The following PDS5A variants were observed in gnomAD, a reference collection of about 807,000 sequenced individuals.
PDS5A encodes PDS5 cohesin associated factor A.
Under a neutral mutation model 167.1 loss-of-function variants are expected in PDS5A, and 42 were observed. The ratio of observed to expected loss-of-function variants is 0.25; its 90% CI spans 0.20 to 0.33. The LOEUF is 0.33. Ranked by LOEUF, PDS5A falls within the 10% of genes least tolerant of loss-of-function variation. The probability of loss-of-function intolerance (pLI) is 1.00; values close to 1 mark genes in which losing one functional copy is unlikely to be tolerated. For missense variants in PDS5A, 1,033 were observed against 1,605.9 expected (o/e 0.64, Z 6.10); for synonymous variants, 553 against 554.6 (o/e 1.00, Z 0.04).
At chr4:39,904,636 A>G (rs184909219) in intron 11 of PDS5A, among the ~76,000 whole-genome samples, 188 of 152,242 alleles carry the variant, frequency 1.2e-3, no homozygotes, top group African/African-American at 4.3e-3. Context: ...CCAGCCTACA[A>G]ACAATTTTGA....
At chr4:39,870,823 C>A (rs1397586692) in intron 21 of PDS5A, among the ~76,000 whole-genome samples, 2 of 152,022 alleles carry the variant, frequency 1.3e-5, no homozygotes, top group African/African-American at 2.4e-5. Flanking sequence ...CAATGTTATT[C>A]CTAGATATAT....
At position 39,863,357 on chromosome 4, in the gene PDS5A, C is replaced by T; in HGVS notation, c.2745G>A (p.Gln915=). 3.7e-6 allele frequency: 6 copies of T among 1,606,560 alleles called. No homozygotes were observed. Among genetic ancestry groups the T allele is most frequent in the Non-Finnish European group, 5.1e-6 (6 of 1,176,400 alleles). Residue 915 remains glutamine (Q), a synonymous_variant, in exon 24 of 33, where the codon CAG becomes CAA. Transcript: ENST00000303538. The part of the protein sequence containing the change: ...YHEIITPEQF[Q]LCALVINDEC... ...TTACATTAATAACAAGTGCACAGAG[C>T]TGAAACTGTTCTGGGGTAATAATTT...
At chr4:39,967,557 G>A (rs181681057) in intron 2 of PDS5A, among the ~76,000 whole-genome samples, 81 of 150,860 alleles carry the variant, frequency 5.4e-4, no homozygotes, top group South Asian at 3.8e-3. Context: ...TGAGGCAGGC[G>A]AATTGCTTGA....
intron 2 of PDS5A, among the ~76,000 whole-genome samples, chr4:39,930,963 T>C (rs74553404): frequency 0.025 from 3,752 of 152,316 alleles, 157 homozygotes; most frequent in East Asian, 0.18. Context: ...TATTTCCATC[T>C]TGAGAAATTA....
intron 4 of PDS5A, among the ~76,000 whole-genome samples, chr4:39,926,534 A>AT (rs1178037893): frequency 6.6e-6 from 1 of 151,730 alleles, no homozygotes; most frequent in Non-Finnish European, 1.5e-5. Flanking sequence ...AAAAAAAAGA[A>AT]AGAAATAGAT....
At chr4:39,936,966 T>A (rs1726677252) in intron 2 of PDS5A, 1 of 151,704 alleles carries the variant, frequency 6.6e-6, no homozygotes, top group Non-Finnish European at 1.5e-5. Context: ...TGAAGAGGGG[T>A]GTGTGGATGG....
At chr4:39,849,004 G>C (rs1326694809) in intron 27 of PDS5A, 34 bp from the exon 28 acceptor site, 1 of 1,421,290 alleles carries the variant, frequency 7.0e-7, no homozygotes, top group Non-Finnish European at 9.6e-7. Context: ...ATAACTTTTA[G>C]TATTGCAAAA....
At chr4:39,854,572 T>C (rs1045819006) in intron 26 of PDS5A, among the ~76,000 whole-genome samples, 9 of 152,196 alleles carry the variant, frequency 5.9e-5, no homozygotes, top group African/African-American at 2.2e-4. Context: ...ATTTTTTTCT[T>C]CCTCCTCTTT....
At chr4:39,888,574 G>T (rs1250834138) in intron 17 of PDS5A, among the ~76,000 whole-genome samples, 8 of 151,432 alleles carry the variant, frequency 5.3e-5, no homozygotes, top group Admixed American at 3.3e-4. Context: ...AGAAAATGTG[G>T]TATATATGTA....
At chr4:39,940,815 G>C (rs1054444776) in intron 2 of PDS5A, among the ~76,000 whole-genome samples, 1 of 152,186 alleles carries the variant, frequency 6.6e-6, no homozygotes, top group Admixed American at 6.6e-5. Flanking sequence ...ACTATGCCTG[G>C]CTAAATTTTG....
chr4:39,929,539 A>C (rs1448010816), intron 2 of PDS5A, among the ~76,000 whole-genome samples: 2 of 122,152 alleles, frequency 1.6e-5, no homozygotes, highest in Non-Finnish European at 3.4e-5. Context: ...ATATATATAT[A>C]TATATATATA....
chr4:39,845,891 AAAAAAAGAAAAAG>A lies in PDS5A; in HGVS notation c.3340-24_3340-12del, dbSNP rs1220514440. On this transcript the variant is annotated splice_polypyrimidine_tract_variant and intron_variant, in intron 28 of 32. Transcript: ENST00000303538. ...ATCGTTACAGAAGTCCTATTAAAAA[AAAAAAAGAAAAAG>A]AAAAAAGAAACACCAATCAAAGGAA... The A allele has an allele frequency of 7.5e-7, 1 of 1,341,582 alleles. No individual in the cohort carries two copies. The highest frequency in any genetic ancestry group is 1.8e-5 in the South Asian group (1 of 55,508). The allele number at this position is 1,341,582 out of a possible 1,614,324, so 83.1% of individuals were successfully genotyped here.
intron 32 of PDS5A, among the ~76,000 whole-genome samples, chr4:39,825,838 C>A (rs1165842339): frequency 1.3e-5 from 2 of 152,048 alleles, no homozygotes; most frequent in Non-Finnish European, 1.5e-5. Flanking sequence ...TGAGCTCAAG[C>A]GATCTGGGAA....
At chr4:39,973,644 T>C (rs1730784236) in intron 2 of PDS5A, 4 of 1,317,296 alleles carry the variant, frequency 3.0e-6, no homozygotes, top group Admixed American at 1.7e-5. Context: ...AAATGAACGG[T>C]AGAACTGTGG....
intron 32 of PDS5A, among the ~76,000 whole-genome samples, chr4:39,825,715 C>G (rs1715235976): frequency 6.6e-6 from 1 of 151,974 alleles, no homozygotes; most frequent in South Asian, 2.1e-4. Context: ...AGCGTCCAGC[C>G]TGAGCCTCCC....
rs1335357100 is a variant in PDS5A, at chr4:39,858,068, TAAATA to T, written c.3086+4146_3086+4150del. Among the ~76,000 whole-genome samples the T allele has an allele frequency of 2.6e-5, 4 of 151,918 alleles. No homozygotes were observed. In the East Asian group the frequency reaches 7.7e-4, roughly 29 times the overall value. ...CTGGAAAAATAAATAAATGAATACA[TAAATA>T]AAATAAAAAATTAAAGGTCTAAATA... On this transcript the variant is annotated intron_variant, in intron 26 of 32. Coordinates refer to ENST00000303538, the MANE Select transcript of PDS5A (RefSeq NM_001100399.2).
At chr4:39,950,184 A>T in intron 2 of PDS5A, among the ~76,000 whole-genome samples, 1 of 152,202 alleles carries the variant, frequency 6.6e-6, no homozygotes, top group Middle Eastern at 3.4e-3. Flanking sequence ...TACAGGTGTG[A>T]GCCACCGCAC....
chr4:39,837,855 C>T lies in PDS5A; in HGVS notation c.4010+1G>A, dbSNP rs770943048. ...ACTTGAGGAAGAATGGCGTACATTA[C>T]CTTTGTAAGTCAATTTGTCTTTCTG... On this transcript the variant is annotated splice_donor_variant, in intron 32 of 32. Coordinates refer to ENST00000303538, the MANE Select transcript of PDS5A (RefSeq NM_001100399.2). LOFTEE classifies it high-confidence loss of function. The T allele has an allele frequency of 6.2e-7, 1 of 1,603,186 alleles. No individual in the cohort carries two copies. Among genetic ancestry groups the T allele is most frequent in the Non-Finnish European group, 8.5e-7 (1 of 1,174,514 alleles).
intron 2 of PDS5A, among the ~76,000 whole-genome samples, chr4:39,941,707 G>A (rs557395938): frequency 1.3e-5 from 2 of 152,272 alleles, no homozygotes; most frequent in South Asian, 4.1e-4. Context: ...TACTGACCAA[G>A]TTTATCACAT....
Sources: gnomAD v4.1 joint callset for allele counts (sites outside exome capture counted in the v4.1 genomes callset) on GRCh38, gnomAD v4.1.1 for gene constraint, MANE v1.5 for transcripts, NCBI Gene and HGNC (gene_info 2026-07-23, HGNC 2026-07-21) for gene names.